The following DICER1 variants were observed in gnomAD, a reference collection of about 807,000 sequenced individuals.
The protein encoded by DICER1 is endoribonuclease Dicer.
In DICER1, 43 loss-of-function variants were observed where a neutral mutation model predicts 194.1. That is an observed-to-expected ratio of 0.22 (90% confidence interval 0.17 to 0.29). The LOEUF is 0.29. Among genes scored for constraint, DICER1 ranks in the 10% least tolerant of loss-of-function variants. The probability of loss-of-function intolerance (pLI) is 1.00; values close to 1 mark genes in which losing one functional copy is unlikely to be tolerated. For synonymous variants in DICER1, 832 were observed against 820.5 expected (o/e 1.01, Z -0.24); for missense variants, 1,608 against 2,317.0 (o/e 0.69, Z 6.28).
intron 17 of DICER1, among the ~76,000 whole-genome samples, 193 bp from the exon 18 acceptor site, chr14:95,106,416 CATT>C (rs1891434227): frequency 1.3e-5 from 2 of 151,562 alleles, no homozygotes; most frequent in Non-Finnish European, 2.9e-5. Flanking sequence ...AAAATGGACA[CATT>C]ATTGTCCCAT....
intron 8 of DICER1, among the ~76,000 whole-genome samples, chr14:95,118,628 CAGTT>C (rs1206390243): frequency 2.0e-5 from 3 of 152,172 alleles, no homozygotes. Flanking sequence ...AGAAGGTTAA[CAGTT>C]AGTGCTGCCA....
Position 95,086,661 on chromosome 14 carries a change from T to C in DICER1, c.*3837A>G. 1 of 233,356 alleles carries C rather than the reference T, an allele frequency of 4.3e-6. No individual in the cohort carries two copies. 14.5% of individuals were successfully genotyped at this position (233,356 alleles called of 1,614,324 possible). A position where few individuals can be genotyped will look rare whatever the true frequency, so the allele number is the denominator to read the frequency against. On this transcript the variant is annotated 3_prime_UTR_variant, in exon 27 of 27. Transcript: ENST00000343455. The stretch of plus-strand genomic sequence containing the variant: ...GTTAGTTGTGAAAAATCATTTTCAC[T>C]GCTAGTGGAAAATACAATGGTCTCA...
At chr14:95,109,779 C>G (rs1036859361) in intron 14 of DICER1, among the ~76,000 whole-genome samples, 1 of 152,176 alleles carries the variant, frequency 6.6e-6, no homozygotes, top group African/African-American at 2.4e-5. Flanking sequence ...ACAGGCACAG[C>G]AGTCCCCGCT....
rs1461585104 is a variant in DICER1, at chr14:95,089,972, C to T, written c.*526G>A. 7 of 253,976 alleles carry T rather than the reference C, an allele frequency of 2.8e-5. No individual in the cohort carries two copies. Among genetic ancestry groups the T allele is most frequent in the Admixed American group, 2.5e-4 (5 of 20,170 alleles). The allele number at this position is 253,976 out of a possible 1,614,324, so 15.7% of individuals were successfully genotyped here. The stretch of plus-strand genomic sequence containing the variant: ...CAGCGACCGGGAACATCACCTTACA[C>T]AGTATAACGTGGAAAGAAAAGACAA... On this transcript the variant is annotated 3_prime_UTR_variant, in exon 27 of 27. Transcript: ENST00000343455.
chr14:95,150,840 G>C (rs1476627562), intron 1 of DICER1, among the ~76,000 whole-genome samples: 1 of 152,186 alleles, frequency 6.6e-6, no homozygotes, highest in African/African-American at 2.4e-5. Flanking sequence ...TTTTCCTACT[G>C]AAAGTACAAA....
chr14:95,118,663 T>C (rs1436619033), intron 8 of DICER1, among the ~76,000 whole-genome samples: 2 of 152,162 alleles, frequency 1.3e-5, no homozygotes, highest in African/African-American at 4.8e-5. Flanking sequence ...TTTGGAAATA[T>C]CCACATTCAA....
chr14:95,096,739 A>AG, intron 22 of DICER1, 26 bp from the exon 23 acceptor site: 1 of 1,575,924 alleles, frequency 6.3e-7, no homozygotes, highest in East Asian at 2.4e-5. Context: ...ATGGGGAAGG[A>AG]GGGGAAACAT....
rs150772102 is a variant in DICER1 at position 95,145,914 on chromosome 14, C to T, written c.-46+11316G>A. Among the ~76,000 whole-genome samples, 543 of 152,156 alleles carry T rather than the reference C, an allele frequency of 3.6e-3. 11 individuals are homozygous for T. The highest frequency in any genetic ancestry group is 0.033 in the Admixed American group (511 of 15,288). On this transcript the variant is annotated intron_variant, in intron 1 of 26. Coordinates refer to ENST00000343455, the MANE Select transcript of DICER1 (RefSeq NM_177438.3). ...ACACAAAAAAAACTTCATATAGAAA[C>T]GCTCCCTTCATCATTACCATTTATA...
chr14:95,138,986 T>TAAAAAAAAAAAAAAAAAAAAAA (rs1289692370), intron 1 of DICER1, among the ~76,000 whole-genome samples: 2 of 31,696 alleles, frequency 6.3e-5, no homozygotes, highest in East Asian at 4.2e-4. Context: ...TAAAAATAAA[T>TAAAAAAAAAAAAAAAAAAAAAA]AAAAAAATAA....
chr14:95,105,005 A>G lies in DICER1; in HGVS notation c.3269+66T>C. The G allele has an allele frequency of 1.4e-6, 2 of 1,455,240 alleles. No individual in the cohort carries two copies. Among genetic ancestry groups the G allele is most frequent in the South Asian group, 2.3e-5 (2 of 87,048 alleles). The allele number at this position is 1,455,240 out of a possible 1,614,324, so 90.1% of individuals were successfully genotyped here. ...ATTATTTTATATACAATTTTAACTT[A>G]ATTCTGTTCTTTTGCAAACAGGATC... On this transcript the variant is annotated intron_variant, in intron 20 of 26. Coordinates refer to ENST00000343455, the MANE Select transcript of DICER1 (RefSeq NM_177438.3). This position sits in a 1 kb window ranked among gnomAD's most constrained non-coding sequence, Gnocchi z 4.9.
intron 7 of DICER1, among the ~76,000 whole-genome samples, chr14:95,125,086 T>C (rs1010963406): frequency 2.0e-5 from 3 of 152,200 alleles, no homozygotes; most frequent in African/African-American, 4.8e-5. Flanking sequence ...TCCAGCATTA[T>C]ATGTTTTCCA....
rs1391507775 is a variant in DICER1, at chr14:95,116,675, T to G, written c.1530A>C (p.Ala510=). Residue 510 remains alanine (A), a synonymous_variant, in exon 10 of 27, where the codon GCA becomes GCC. Coordinates refer to ENST00000343455, the MANE Select transcript of DICER1 (RefSeq NM_177438.3). The part of the protein sequence containing the change: ...KQEEVLRKFR[A]HETNLLIATS... Reference sequence around the variant, plus strand: ...TTGCAATAAGCAGGTTGGTCTCATGTGCTCGAAATTTCCTAAGTACCTGAA... The same window carrying G: ...TTGCAATAAGCAGGTTGGTCTCATGGGCTCGAAATTTCCTAAGTACCTGAA... 1 of 1,613,828 alleles carries G rather than the reference T, an allele frequency of 6.2e-7. No individual in the cohort carries two copies. The highest frequency in any genetic ancestry group is 8.5e-7 in the Non-Finnish European group (1 of 1,179,892).
Position 95,090,170 on chromosome 14 carries a change from T to G in DICER1, c.*328A>C. The G allele has an allele frequency of 3.0e-6, 1 of 337,966 alleles. No homozygotes were observed. Among genetic ancestry groups the G allele is most frequent in the Non-Finnish European group, 5.3e-6 (1 of 188,354 alleles). 20.9% of individuals were successfully genotyped at this position (337,966 alleles called of 1,614,324 possible). A position where few individuals can be genotyped will look rare whatever the true frequency, so the allele number is the denominator to read the frequency against. On this transcript the variant is annotated 3_prime_UTR_variant, in exon 27 of 27. Coordinates refer to ENST00000343455, the MANE Select transcript of DICER1 (RefSeq NM_177438.3). ...AACACTAAGCAAAGCTGACATAAACTCAAAAAAAAAAAAACAAAACCTGTC... is the reference window on the plus strand; with the variant it reads ...AACACTAAGCAAAGCTGACATAAACGCAAAAAAAAAAAAACAAAACCTGTC...
intron 1 of DICER1, among the ~76,000 whole-genome samples, chr14:95,137,505 G>A (rs1401172844): frequency 7.4e-6 from 1 of 135,654 alleles, no homozygotes; most frequent in Non-Finnish European, 1.6e-5. Flanking sequence ...AGGGAAAGGG[G>A]AAGGGGAAGG....
chr14:95,141,481 G>C (rs1241005459), intron 1 of DICER1, among the ~76,000 whole-genome samples: 1 of 152,172 alleles, frequency 6.6e-6, no homozygotes. Context: ...TTGCGCTCAG[G>C]TCTGAGCCTT....
At chr14:95,120,633 G>A (rs1404110790) in intron 8 of DICER1, among the ~76,000 whole-genome samples, 1 of 152,060 alleles carries the variant, frequency 6.6e-6, no homozygotes, top group Non-Finnish European at 1.5e-5. Context: ...AAGGGACACG[G>A]GTGCTAAACT....
At chr14:95,122,795 A>C (rs1006110869) in intron 8 of DICER1, among the ~76,000 whole-genome samples, 5 of 152,330 alleles carry the variant, frequency 3.3e-5, no homozygotes, top group African/African-American at 7.2e-5. Flanking sequence ...CATCAGAAGG[A>C]TCAGGCTCAA....
At chr14:95,114,249 G>A (rs940493905) in intron 11 of DICER1, among the ~76,000 whole-genome samples, 4 of 152,090 alleles carry the variant, frequency 2.6e-5, no homozygotes, top group South Asian at 2.1e-4. Context: ...AATGTCTTGC[G>A]CCATAAAACA....
At chr14:95,138,711 G>C (rs367620409) in intron 1 of DICER1, among the ~76,000 whole-genome samples, 2 of 148,960 alleles carry the variant, frequency 1.3e-5, no homozygotes, top group East Asian at 4.0e-4. Flanking sequence ...GTAAACTATC[G>C]CAAGAACAAA....
Sources: allele counts gnomAD v4.1 joint callset (sites outside exome capture counted in the v4.1 genomes callset), GRCh38; gene constraint gnomAD v4.1.1; non-coding constraint Gnocchi (gnomAD v3.1); transcripts MANE v1.5; gene names NCBI Gene and HGNC (gene_info 2026-07-23, HGNC 2026-07-21).